The following EDNRB variants were observed in gnomAD, a reference collection of about 807,000 sequenced individuals.
The protein encoded by EDNRB is endothelin receptor type B, also known as Hirschsprung disease 2.
In EDNRB, 18 loss-of-function variants were observed where a neutral mutation model predicts 46.4. The observed-to-expected ratio is 0.39, with a 90% CI of 0.27 to 0.57. The LOEUF (loss-of-function observed/expected upper bound fraction) is 0.57. Ranked by LOEUF, EDNRB falls within the 20% of genes least tolerant of loss-of-function variation. The probability of loss-of-function intolerance (pLI) is 0.61; values close to 1 mark genes in which losing one functional copy is unlikely to be tolerated. For missense variants in EDNRB, 434 were observed against 537.5 expected (o/e 0.81, Z 1.90); for synonymous variants, 213 against 204.9 (o/e 1.04, Z -0.34).
intron 1 of EDNRB, among the ~76,000 whole-genome samples, chr13:77,961,219 C>T (rs1470914852): frequency 6.6e-6 from 1 of 152,188 alleles, no homozygotes; most frequent in East Asian, 1.9e-4. Context: ...GAACTCTCCA[C>T]CCCAAATCAA....
intron 1 of EDNRB, among the ~76,000 whole-genome samples, chr13:77,934,065 G>T (rs1423798298): frequency 6.6e-6 from 1 of 152,184 alleles, no homozygotes; most frequent in African/African-American, 2.4e-5. Flanking sequence ...GCGGTTTGGG[G>T]TTAGCACCAA....
chr13:77,903,751 G>A, intron 1 of EDNRB, 144 bp from the exon 2 acceptor site: 2 of 726,988 alleles, frequency 2.8e-6, no homozygotes, highest in South Asian at 3.2e-5. Flanking sequence ...TCTTTGAAAA[G>A]CACCATTGTT....
intron 1 of EDNRB, among the ~76,000 whole-genome samples, chr13:77,926,722 A>AT (rs1262085604): frequency 6.6e-6 from 1 of 151,982 alleles, no homozygotes; most frequent in Non-Finnish European, 1.5e-5. Flanking sequence ...ATTTTTGGGT[A>AT]TTTTTTCAGC....
intron 1 of EDNRB, among the ~76,000 whole-genome samples, chr13:77,951,336 T>C (rs1712594541): frequency 6.6e-6 from 1 of 152,178 alleles, no homozygotes; most frequent in African/African-American, 2.4e-5. Flanking sequence ...ATTACCATCT[T>C]AGTGCTTCTC....
chr13:77,958,859 A>G (rs1270017945), intron 1 of EDNRB, among the ~76,000 whole-genome samples: 1 of 152,222 alleles, frequency 6.6e-6, no homozygotes. Context: ...AGATATCACC[A>G]TCTTCTTACT....
intron 1 of EDNRB, among the ~76,000 whole-genome samples, chr13:77,930,665 T>C (rs530828283): frequency 4.7e-4 from 71 of 152,358 alleles, no homozygotes; most frequent in Middle Eastern, 3.4e-3. Context: ...GTCAGAAATG[T>C]TGAGTTTGTA....
intron 6 of EDNRB, 149 bp downstream of exon 6, chr13:77,899,710 G>T: frequency 1.5e-6 from 1 of 658,802 alleles, no homozygotes; most frequent in Non-Finnish European, 2.6e-6. Context: ...ACAAGCAAAA[G>T]TTGTATTTAA....
In EDNRB at chr13:77,918,719, A is replaced by G; in HGVS notation, c.-146T>C. 7.4e-7 allele frequency: 1 copy of G among 1,352,728 alleles called. No homozygotes were observed. Among genetic ancestry groups the G allele is most frequent in the African/African-American group, 1.5e-5 (1 of 67,158 alleles). 83.8% of individuals were successfully genotyped at this position (1,352,728 alleles called of 1,614,324 possible). Reference sequence around the variant, plus strand: ...TAATACCGCCCGCAGCCTCTTCGCCAGTATCCACGCTCAAAAGTAACTCAA... The same window carrying G: ...TAATACCGCCCGCAGCCTCTTCGCCGGTATCCACGCTCAAAAGTAACTCAA... On this transcript the variant is annotated 5_prime_UTR_variant, in exon 1 of 7. Transcript: ENST00000646607. The surrounding 1 kb of genome is among the most constrained non-coding windows in gnomAD (Gnocchi z 4.5).
intron 1 of EDNRB, among the ~76,000 whole-genome samples, chr13:77,928,082 A>G (rs567231060): frequency 1.3e-5 from 2 of 152,244 alleles, no homozygotes; most frequent in African/African-American, 4.8e-5. Context: ...AAACCTCTTT[A>G]CTTTATAAAT....
intron 1 of EDNRB, among the ~76,000 whole-genome samples, chr13:77,913,507 A>C (rs1461311120): frequency 6.6e-6 from 1 of 152,148 alleles, no homozygotes; most frequent in East Asian, 1.9e-4. Context: ...TTGCAAGTAG[A>C]TTTGTTTTTA....
intron 1 of EDNRB, among the ~76,000 whole-genome samples, chr13:77,964,096 G>A (rs1056578530): frequency 6.6e-6 from 1 of 152,180 alleles, no homozygotes; most frequent in South Asian, 2.1e-4. Context: ...AGTTACAATG[G>A]CAATCATTAA....
In EDNRB at chr13:77,948,304, T is replaced by C. The variant is rs374136118; in HGVS notation, c.-52+27043A>G. 1.3e-4 allele frequency among the ~76,000 whole-genome samples: 20 copies of C among 152,326 alleles called. No homozygotes were observed. In the East Asian group the frequency reaches 3.7e-3, roughly 28 times the overall value. ...TGTTATGGGTTAACGTGCATGAGTT[T>C]GATAGTAAAATAAAGTCAGCTTCAA... is the stretch of plus-strand genomic sequence containing the variant. On this transcript the variant is annotated intron_variant, in intron 1 of 7. Transcript: ENST00000646948.
At chr13:77,952,850 G>A (rs1274058589) in intron 1 of EDNRB, among the ~76,000 whole-genome samples, 3 of 152,086 alleles carry the variant, frequency 2.0e-5, no homozygotes, top group African/African-American at 7.2e-5. Flanking sequence ...GTGCTGTGGA[G>A]GCCTTGACCC....
Position 77,897,346 on chromosome 13 carries a change from T to C in EDNRB, c.*854A>G. On this transcript the variant is annotated 3_prime_UTR_variant, in exon 7 of 7. Transcript: ENST00000646607. ...ATAATCCTGAAAAAATTGTAGATAG[T>C]ATTGTCTTCACAGGGTATGTGAATG... 1.0e-6 allele frequency: 1 copy of C among 985,294 alleles called. No individual in the cohort carries two copies. Among genetic ancestry groups the C allele is most frequent in the Non-Finnish European group, 1.2e-6 (1 of 829,852 alleles). The allele number at this position is 985,294 out of a possible 1,614,324, so 61.0% of individuals were successfully genotyped here. A position where few individuals can be genotyped will look rare whatever the true frequency, so the allele number is the denominator to read the frequency against.
At chr13:77,956,971 A>G (rs1449060613) in intron 1 of EDNRB, among the ~76,000 whole-genome samples, 1 of 152,196 alleles carries the variant, frequency 6.6e-6, no homozygotes, top group East Asian at 1.9e-4. Flanking sequence ...GTAAGAAAAC[A>G]TATTCATAGG....
At chr13:77,906,325 G>T (rs895552424) in intron 1 of EDNRB, among the ~76,000 whole-genome samples, 2 of 151,944 alleles carry the variant, frequency 1.3e-5, no homozygotes, top group Non-Finnish European at 2.9e-5. Flanking sequence ...TGGTTTCAAG[G>T]ATTATGCTAG....
upstream of EDNRB, among the ~76,000 whole-genome samples, chr13:77,921,988 G>A (rs569121828): frequency 6.6e-5 from 10 of 151,896 alleles, no homozygotes; most frequent in South Asian, 1.9e-3. Context: ...ATCTGTTATC[G>A]ATAAATTTTA....
At chr13:77,914,402 A>C (rs3027133) in intron 1 of EDNRB, among the ~76,000 whole-genome samples, 1 of 152,230 alleles carries the variant, frequency 6.6e-6, no homozygotes, top group African/African-American at 2.4e-5. Flanking sequence ...TATAAAACTT[A>C]ACATTTTAAT....
intron 1 of EDNRB, among the ~76,000 whole-genome samples, chr13:77,931,309 G>C (rs1047139428): frequency 1.3e-5 from 2 of 152,050 alleles, no homozygotes; most frequent in Non-Finnish European, 2.9e-5. Context: ...AATTTCACAA[G>C]TTTTCTATAA....
Sources: allele counts gnomAD v4.1 joint callset (sites outside exome capture counted in the v4.1 genomes callset), GRCh38; gene constraint gnomAD v4.1.1; non-coding constraint Gnocchi (gnomAD v3.1); transcripts MANE v1.5; gene names NCBI Gene and HGNC (gene_info 2026-07-23, HGNC 2026-07-21).